Variants in ANK3 observed in about 807,000 individuals in gnomAD.
The protein encoded by ANK3 is ankyrin 3.
In ANK3, 57 loss-of-function variants were observed where a neutral mutation model predicts 370.9. The observed-to-expected ratio is 0.15, with a 90% CI of 0.12 to 0.19. ANK3 has a LOEUF of 0.19. ANK3 is among the 10% of genes least tolerant of loss of function. The pLI is 1.00. For missense variants in ANK3, 4,439 were observed against 5,302.1 expected, an observed-to-expected ratio of 0.84 and a Z score of 5.06; for synonymous variants, 1,929 against 1,946.3, an observed-to-expected ratio of 0.99 and a Z score of 0.23.
intron 23 of ANK3, among the ~76,000 whole-genome samples, chr10:60,163,828 C>G (rs1199421117): frequency 6.6e-6 from 1 of 152,054 alleles, no homozygotes; most frequent in African/African-American, 2.4e-5. Context: ...AACTGGCAGC[C>G]TATATTGCTT....
rs755265496 is a variant in ANK3 at position 60,063,104 on chromosome 10, C to T, written c.12595+7G>A. The T allele has an allele frequency of 5.7e-5, 91 of 1,605,486 alleles. No individual in the cohort carries two copies. Among genetic ancestry groups the T allele is most frequent in the African/African-American group, 1.1e-4 (8 of 74,520 alleles). ...ATTAAATAAATATGAACACTAAATT[C>T]GATTACCATCAACAGGGTCATGGAA... On this transcript the variant is annotated splice_region_variant and intron_variant, in intron 40 of 43. Transcript: ENST00000280772.
chr10:60,510,512 C>A (rs921292729), intron 2 of ANK3, among the ~76,000 whole-genome samples: 4 of 152,018 alleles, frequency 2.6e-5, no homozygotes, highest in Non-Finnish European at 5.9e-5. Context: ...TACAGATAAA[C>A]AGATTTAGAA....
chr10:60,258,570 T>A (rs183547319), intron 7 of ANK3, among the ~76,000 whole-genome samples: 1 of 152,334 alleles, frequency 6.6e-6, no homozygotes, highest in African/African-American at 2.4e-5. Context: ...AAGCAATTCC[T>A]TCTATTGTTT....
chr10:60,290,584 T>C (rs1480810731), intron 1 of ANK3, among the ~76,000 whole-genome samples: 1 of 152,212 alleles, frequency 6.6e-6, no homozygotes, highest in Non-Finnish European at 1.5e-5. Flanking sequence ...AAAAGGGGCT[T>C]GCTCCTCAGA....
intron 24 of ANK3, 50 bp from the exon 25 acceptor site, chr10:60,134,423 G>T: frequency 1.4e-6 from 2 of 1,418,914 alleles, no homozygotes; most frequent in Non-Finnish European, 1.9e-6. Context: ...ATGATGAGAT[G>T]AATAAAAAAA....
intron 1 of ANK3, among the ~76,000 whole-genome samples, chr10:60,380,693 C>T (rs528528609): frequency 1.3e-5 from 2 of 152,184 alleles, no homozygotes; most frequent in East Asian, 1.9e-4. Context: ...GGATGTATCA[C>T]TGGGTAGACC....
At chr10:60,094,218 C>T (rs1393437060) in intron 28 of ANK3, among the ~76,000 whole-genome samples, 2 of 141,080 alleles carry the variant, frequency 1.4e-5, no homozygotes, top group African/African-American at 5.3e-5. Flanking sequence ...GGGTCTCACT[C>T]ACTCTGTTGC....
rs369092362 is a variant in ANK3 at position 60,072,894 on chromosome 10, C to T, written c.7987G>A (p.Glu2663Lys). 1.5e-5 allele frequency: 24 copies of T among 1,613,952 alleles called. No individual in the cohort carries two copies. The highest frequency in any genetic ancestry group is 1.3e-4 in the South Asian group (12 of 91,084). ...GPDGQGFPKAEEKAPSLPSSP... is the reference protein window; with the variant it reads ...GPDGQGFPKAKEKAPSLPSSP... ...CTGGGCAGACTGGGTGCCTTCTCCTCGGCCTTGGGGAAGCCTTGTCCATCA... is the reference window on the plus strand; with the variant it reads ...CTGGGCAGACTGGGTGCCTTCTCCTTGGCCTTGGGGAAGCCTTGTCCATCA... The change falls in exon 37 of 44, where the codon GAG becomes AAG. Residue 2663 changes from glutamate to lysine, a missense_variant. This residue lies in a region of ANK3 where 1,601 missense variants were observed against 1,731.7 expected (regional missense o/e 0.92). Coordinates refer to ENST00000280772, the MANE Select transcript of ANK3 (RefSeq NM_020987.5).
chr10:60,578,099 A>G (rs1196570237), intron 2 of ANK3, among the ~76,000 whole-genome samples: 4 of 152,356 alleles, frequency 2.6e-5, no homozygotes, highest in African/African-American at 9.6e-5. Context: ...TTGACAATGC[A>G]TTGAACACTT....
intron 1 of ANK3, among the ~76,000 whole-genome samples, chr10:60,670,421 AC>A (rs754086789): frequency 6.6e-6 from 1 of 151,892 alleles, no homozygotes; most frequent in Non-Finnish European, 1.5e-5. Flanking sequence ...TATCACCAAG[AC>A]CTGTAGATCT....
At chr10:60,363,865 AG>A (rs1332971016) in intron 1 of ANK3, among the ~76,000 whole-genome samples, 1 of 152,230 alleles carries the variant, frequency 6.6e-6, no homozygotes, top group Non-Finnish European at 1.5e-5. Context: ...CTTTTCTTAT[AG>A]AAAAACATCG....
At chr10:60,337,332 C>T (rs964610018) in intron 1 of ANK3, among the ~76,000 whole-genome samples, 2 of 152,096 alleles carry the variant, frequency 1.3e-5, no homozygotes, top group African/African-American at 4.8e-5. Context: ...CCCCATCTTG[C>T]TCCATTCTGT....
Position 60,547,209 on chromosome 10 carries a change from G to C in ANK3, c.96+67977C>G, listed in dbSNP as rs10994413. 7.9e-3 allele frequency among the ~76,000 whole-genome samples: 1,187 copies of C among 149,870 alleles called. 15 individuals carry two copies. The highest frequency in any genetic ancestry group is 0.027 in the African/African-American group (1,106 of 40,748). On this transcript the variant is annotated intron_variant, in intron 2 of 43. Coordinates refer to the ANK3 transcript ENST00000373827. ...GGGCTCAAACAATTCTCCTGCCTCA[G>C]CCTTCTGAGTAGTTGGGATTACAGG... is the stretch of plus-strand genomic sequence containing the variant.
At chr10:60,642,767 T>G (rs1183323199) in intron 1 of ANK3, among the ~76,000 whole-genome samples, 3 of 152,072 alleles carry the variant, frequency 2.0e-5, no homozygotes, top group Non-Finnish European at 4.4e-5. Flanking sequence ...ACCCTAAAAC[T>G]TAAAGTATAA....
intron 2 of ANK3, among the ~76,000 whole-genome samples, chr10:60,431,497 C>T (rs944241570): frequency 4.6e-5 from 7 of 152,142 alleles, no homozygotes; most frequent in Non-Finnish European, 7.3e-5. Context: ...AGGCCACAGA[C>T]CACTACTGGG....
chr10:60,228,511 AAC>A (rs1335822144), intron 8 of ANK3, among the ~76,000 whole-genome samples: 2 of 149,668 alleles, frequency 1.3e-5, no homozygotes, highest in South Asian at 2.2e-4. Flanking sequence ...CAGCCTGGGC[AAC>A]AGAGTGAGAC....
chr10:60,537,987 A>C (rs2076762046), intron 2 of ANK3, among the ~76,000 whole-genome samples: 1 of 151,958 alleles, frequency 6.6e-6, no homozygotes, highest in African/African-American at 2.4e-5. Context: ...TGTAATGAAT[A>C]AATTCTCGGT....
At chr10:60,681,902 A>G (rs1286890667) in intron 1 of ANK3, among the ~76,000 whole-genome samples, 1 of 152,194 alleles carries the variant, frequency 6.6e-6, no homozygotes, top group Non-Finnish European at 1.5e-5. Flanking sequence ...CTGTAATCCC[A>G]GAGACTTTGG....
At chr10:60,226,384 A>G (rs1171795535) in intron 8 of ANK3, among the ~76,000 whole-genome samples, 1 of 114,818 alleles carries the variant, frequency 8.7e-6, no homozygotes, top group Non-Finnish European at 1.6e-5. Context: ...TATAGAATAA[A>G]TTATAGTATA....
Sources: allele counts gnomAD v4.1 joint callset (sites outside exome capture counted in the v4.1 genomes callset), GRCh38; gene constraint gnomAD v4.1.1; regional missense constraint gnomAD v4.1.1; transcripts MANE v1.5; gene names NCBI Gene and HGNC (gene_info 2026-07-23, HGNC 2026-07-21).